ENO4: variants seen among roughly 807,000 people sequenced by gnomAD.
The protein encoded by ENO4 is 2-phospho-D-glycerate hydro-lyase.
Under a neutral mutation model 63.2 loss-of-function variants are expected in ENO4, and 53 were observed. The observed-to-expected ratio is 0.84, with a 90% CI of 0.67 to 1.05. The LOEUF is 1.05. Among genes scored for constraint, ENO4 ranks in the 50% least tolerant of loss-of-function variants. ENO4 has a pLI of 0.00. For synonymous variants in ENO4, 266 were observed against 283.8 expected, an observed-to-expected ratio of 0.94 and a Z score of 0.63; for missense variants, 719 against 772.0, an observed-to-expected ratio of 0.93 and a Z score of 0.81.
At chr10:116,861,765 T>C (rs143632136) in intron 6 of ENO4, among the ~76,000 whole-genome samples, 56 of 152,092 alleles carry the variant, frequency 3.7e-4, no homozygotes, top group Non-Finnish European at 7.4e-5. Context: ...TGTAAAAAAG[T>C]ACAGAAAGCT....
rs868517193 is a variant in ENO4 at position 116,882,447 on chromosome 10, C to G, written c.*778C>G. ...TGACATATCCATTGCCTGAATTGCTCTTTTGTAAGCCAGTGTTGGGATTAT... is the reference window on the plus strand; with the variant it reads ...TGACATATCCATTGCCTGAATTGCTGTTTTGTAAGCCAGTGTTGGGATTAT... On this transcript the variant is annotated 3_prime_UTR_variant, in exon 14 of 14. Coordinates refer to ENST00000341276, the MANE Select transcript of ENO4 (RefSeq NM_001242699.2). 2 of 145,680 alleles carry G rather than the reference C, an allele frequency of 1.4e-5. No individual in the cohort carries two copies. Among genetic ancestry groups the G allele is most frequent in the South Asian group, 4.4e-4 (2 of 4,556 alleles). The allele number at this position is 145,680 out of a possible 1,614,324, so 9.0% of individuals were successfully genotyped here. A position where few individuals can be genotyped will look rare whatever the true frequency, so the allele number is the denominator to read the frequency against.
chr10:116,861,151 A>C lies in ENO4; in HGVS notation c.897A>C (p.Glu299Asp). 6.5e-7 allele frequency: 1 copy of C among 1,545,956 alleles called. No homozygotes were observed. Among genetic ancestry groups the C allele is most frequent in the Non-Finnish European group, 8.7e-7 (1 of 1,143,670 alleles). ...CTGGGAAGCTAAATTTAATGAAAGA[A>C]GTGATTTGTATACCCCATCCTGAAT... is the stretch of plus-strand genomic sequence containing the variant. ...SSSGKLNLMK[E>D]VICIPHPELT... The change falls in exon 6 of 14, where the codon GAA becomes GAC. Residue 299 changes from glutamate to aspartate, a missense_variant. By Grantham distance (45) the Glu-to-Asp change is conservative (BLOSUM62 2). Around this residue, in one of 3 missense-constraint regions of ENO4, gnomAD observed 544 missense variants for 583.6 expected, o/e 0.93. Transcript: ENST00000341276.
intron 10 of ENO4, among the ~76,000 whole-genome samples, chr10:116,910,842 C>T (rs2133345307): frequency 6.6e-6 from 1 of 152,300 alleles, no homozygotes; most frequent in Non-Finnish European, 1.5e-5. Context: ...CACTGTTAGC[C>T]AGTGATATAC....
exon 11 of ENO4, chr10:116,911,650 G>C: frequency 3.2e-6 from 5 of 1,564,352 alleles, no homozygotes; most frequent in South Asian, 2.3e-5. Context: ...CTGTAAGCAC[G>C]ATCAAATAAA....
Position 116,907,115 on chromosome 10 carries a change from A to C in ENO4, c.1195-4384A>C, listed in dbSNP as rs78647809. Among the ~76,000 whole-genome samples, 620 of 152,312 alleles carry C rather than the reference A, an allele frequency of 4.1e-3. 2 individuals are homozygous for C. Among genetic ancestry groups the C allele is most frequent in the Non-Finnish European group, 6.9e-3 (470 of 68,028 alleles). ...ATTGATATATTAAACTCACCTTAGA[A>C]GGAAATCTTTATATGGCAGCCACAA... On this transcript the variant is annotated intron_variant, in intron 10 of 10. Transcript: ENST00000369207.
chr10:116,856,259 T>C (rs2133248137), intron 2 of ENO4, among the ~76,000 whole-genome samples: 1 of 152,288 alleles, frequency 6.6e-6, no homozygotes, highest in African/African-American at 2.4e-5. Flanking sequence ...GGAGAGGTAG[T>C]GATAAAAATG....
intron 10 of ENO4, among the ~76,000 whole-genome samples, chr10:116,893,398 A>T (rs1847401697): frequency 6.6e-6 from 1 of 152,182 alleles, no homozygotes; most frequent in African/African-American, 2.4e-5. Flanking sequence ...TACACAATTC[A>T]GCAGTACTAA....
chr10:116,850,012 T>G, intron 1 of ENO4: 1 of 597,808 alleles, frequency 1.7e-6, no homozygotes, highest in Middle Eastern at 2.6e-4. Flanking sequence ...CTGGCAGGCT[T>G]CCTCGCTGCC....
At chr10:116,902,699 T>C (rs1847794624) in intron 10 of ENO4, among the ~76,000 whole-genome samples, 1 of 152,218 alleles carries the variant, frequency 6.6e-6, no homozygotes, top group Non-Finnish European at 1.5e-5. Context: ...TTCTAGTAAG[T>C]GCTTCTTGAA....
intron 2 of ENO4, 79 bp from the exon 3 acceptor site, chr10:116,856,412 AT>A (rs1484205073): frequency 7.9e-6 from 9 of 1,139,172 alleles, no homozygotes; most frequent in Non-Finnish European, 1.1e-5. Flanking sequence ...AATTTCATGC[AT>A]GTTAAAAGCT....
At chr10:116,912,026 T>C (rs961588376), downstream of ENO4, among the ~76,000 whole-genome samples, 9 of 152,208 alleles carry the variant, frequency 5.9e-5, no homozygotes, top group African/African-American at 2.2e-4. Flanking sequence ...TGCTTTCAAG[T>C]AGCAGTTAAA....
At chr10:116,872,819 T>G (rs764782331) in intron 9 of ENO4, among the ~76,000 whole-genome samples, 2 of 152,230 alleles carry the variant, frequency 1.3e-5, no homozygotes, top group African/African-American at 2.4e-5. Flanking sequence ...ACTGTGATTT[T>G]AACTTTACAA....
At chr10:116,861,925 T>C (rs1846425831) in intron 6 of ENO4, among the ~76,000 whole-genome samples, 1 of 152,204 alleles carries the variant, frequency 6.6e-6, no homozygotes, top group Non-Finnish European at 1.5e-5. Context: ...AGAATACTAT[T>C]TATATCTGGC....
intron 1 of ENO4, among the ~76,000 whole-genome samples, chr10:116,854,001 T>C (rs150774722): frequency 8.5e-5 from 13 of 152,308 alleles, no homozygotes; most frequent in African/African-American, 1.7e-4. Context: ...TCCTAGCTCC[T>C]GCTCCTCTGC....
chr10:116,865,856 A>T (rs776762184), intron 7 of ENO4, among the ~76,000 whole-genome samples: 2 of 152,356 alleles, frequency 1.3e-5, no homozygotes, highest in African/African-American at 4.8e-5. Flanking sequence ...GCCTTGTTTC[A>T]TAAGGGGCTC....
At chr10:116,900,212 G>A in intron 10 of ENO4, 1 of 257,202 alleles carries the variant, frequency 3.9e-6, no homozygotes, top group Non-Finnish European at 7.4e-6. Flanking sequence ...CGAGCATTAG[G>A]TTTCAAAGTT....
At chr10:116,902,225 G>A (rs534322694) in intron 10 of ENO4, among the ~76,000 whole-genome samples, 1 of 152,186 alleles carries the variant, frequency 6.6e-6, no homozygotes, top group African/African-American at 2.4e-5. Context: ...CACTGACCAG[G>A]GTCCTTCGTA....
chr10:116,908,631 G>A (rs1046013597), intron 10 of ENO4, among the ~76,000 whole-genome samples: 5 of 152,184 alleles, frequency 3.3e-5, no homozygotes, highest in Non-Finnish European at 5.9e-5. Context: ...CAAGGACACT[G>A]TGTAGTTTTT....
At chr10:116,911,855 A>G (rs368314555), downstream of ENO4, 111 of 1,603,116 alleles carry the variant, frequency 6.9e-5, no homozygotes, top group Non-Finnish European at 9.3e-5. Flanking sequence ...TATAATTTTA[A>G]TAAGAAAGAA....
Sources: gnomAD v4.1 joint callset for allele counts (sites outside exome capture counted in the v4.1 genomes callset) on GRCh38, gnomAD v4.1.1 for gene constraint, gnomAD v4.1.1 regional missense constraint, MANE v1.5 for transcripts, NCBI Gene and HGNC (gene_info 2026-07-23, HGNC 2026-07-21) for gene names.